NXPE2: variants seen among roughly 807,000 people sequenced by gnomAD.
The protein encoded by NXPE2 is neurexophilin and PC-esterase domain family member 2, also known as NXPE family member 2.
Under a neutral mutation model 34.4 loss-of-function variants are expected in NXPE2, and 34 were observed. That is an observed-to-expected ratio of 0.99 (90% CI 0.75 to 1.31). The LOEUF (loss-of-function observed/expected upper bound fraction) is 1.31. Among genes scored for constraint, NXPE2 ranks in the 40% most tolerant of loss-of-function variants. The pLI is 0.00. For missense variants in NXPE2, 649 were observed against 672.5 expected (o/e 0.97, Z 0.39); for synonymous variants, 235 against 231.3 (o/e 1.02, Z -0.15).
intron 2 of NXPE2, among the ~76,000 whole-genome samples, chr11:114,693,601 CT>C (rs1341705181): frequency 6.6e-6 from 1 of 152,146 alleles, no homozygotes; most frequent in Non-Finnish European, 1.5e-5. Flanking sequence ...AACTTGCAGC[CT>C]TAACCTAACG....
chr11:114,779,157 G>T, the NXPE2 span, among the ~76,000 whole-genome samples: 1 of 152,226 alleles, frequency 6.6e-6, no homozygotes, highest in Non-Finnish European at 1.5e-5. Context: ...ACACTTTGAA[G>T]TGTGGCTCTG....
chr11:114,651,754 T>C, the NXPE2 span, among the ~76,000 whole-genome samples: 1 of 152,186 alleles, frequency 6.6e-6, no homozygotes. Flanking sequence ...TGGTGTGTTT[T>C]TACAGAGTGC....
chr11:114,778,538 C>T, the NXPE2 span, among the ~76,000 whole-genome samples: 6 of 152,114 alleles, frequency 3.9e-5, no homozygotes, highest in East Asian at 1.2e-3. Context: ...TGAGAAGTGA[C>T]TCTGTATGGT....
chr11:114,630,721 T>C, the NXPE2 span, among the ~76,000 whole-genome samples: 1 of 151,104 alleles, frequency 6.6e-6, no homozygotes, highest in Non-Finnish European at 1.5e-5. Context: ...GAAACTACCA[T>C]CAGAGTGAAC....
chr11:114,616,626 C>T, the NXPE2 span, among the ~76,000 whole-genome samples: 1 of 140,132 alleles, frequency 7.1e-6, no homozygotes, highest in Non-Finnish European at 1.6e-5. Flanking sequence ...CCACAGTTAC[C>T]CACTGGATAA....
At chr11:114,537,042 G>A in the NXPE2 span, among the ~76,000 whole-genome samples, 105 of 152,260 alleles carry the variant, frequency 6.9e-4, 1 homozygote, top group Non-Finnish European at 1.4e-3. Flanking sequence ...TAAAATACTG[G>A]CAAACCGAAT....
chr11:114,522,411 G>GT, the NXPE2 span: 77 of 1,613,856 alleles, frequency 4.8e-5, no homozygotes, highest in African/African-American at 8.4e-4. Flanking sequence ...GGATAGCTAT[G>GT]TTTTTTCCAT....
the NXPE2 span, among the ~76,000 whole-genome samples, chr11:114,633,389 T>A: frequency 6.9e-6 from 1 of 145,078 alleles, no homozygotes; most frequent in Non-Finnish European, 1.5e-5. Context: ...TATTATATTA[T>A]ATATTATATA....
the NXPE2 span, among the ~76,000 whole-genome samples, chr11:114,755,682 GTCTGTCTATCTATCCA>G: frequency 3.5e-5 from 4 of 115,680 alleles, no homozygotes; most frequent in African/African-American, 1.6e-4. Context: ...CTATCTATCT[GTCTGTCTATCTATCCA>G]TCTATCTATC....
At chr11:114,804,371 T>C in the NXPE2 span, among the ~76,000 whole-genome samples, 1 of 152,238 alleles carries the variant, frequency 6.6e-6, no homozygotes, top group African/African-American at 2.4e-5. Flanking sequence ...CTAGATTCTA[T>C]GGTCTGCAGT....
the NXPE2 span, among the ~76,000 whole-genome samples, chr11:114,608,935 T>TG: frequency 6.6e-6 from 1 of 151,738 alleles, no homozygotes; most frequent in African/African-American, 2.4e-5. Flanking sequence ...TACTGCCTCG[T>TG]GGGTAACCAC....
chr11:114,713,298 T>G, the NXPE2 span, among the ~76,000 whole-genome samples: 14 of 152,224 alleles, frequency 9.2e-5, no homozygotes, highest in Admixed American at 7.9e-4. Context: ...GAGGATAATG[T>G]TGTTTTGTTA....
the NXPE2 span, among the ~76,000 whole-genome samples, chr11:114,520,586 A>G: frequency 5.7e-3 from 868 of 152,300 alleles, 3 homozygotes; most frequent in Non-Finnish European, 7.7e-3. Context: ...GAGAATGCAG[A>G]TATCTCTATG....
At chr11:114,630,910 A>G in the NXPE2 span, among the ~76,000 whole-genome samples, 1 of 151,798 alleles carries the variant, frequency 6.6e-6, no homozygotes, top group South Asian at 2.1e-4. Context: ...GCAGCCAAAA[A>G]ACACATGAAA....
At chr11:114,503,206 C>T in the NXPE2 span, among the ~76,000 whole-genome samples, 1 of 151,924 alleles carries the variant, frequency 6.6e-6, no homozygotes, top group East Asian at 1.9e-4. Flanking sequence ...AGTGAGATTG[C>T]CCTATTAATC....
chr11:114,545,076 GAGAATGT>G, the NXPE2 span, among the ~76,000 whole-genome samples: 1 of 152,168 alleles, frequency 6.6e-6, no homozygotes, highest in Non-Finnish European at 1.5e-5. Context: ...AGTTGCTGGT[GAGAATGT>G]AGAGCAGTAG....
intron 4 of NXPE2, among the ~76,000 whole-genome samples, chr11:114,704,613 G>T (rs527844224): frequency 4.6e-5 from 7 of 152,254 alleles, no homozygotes; most frequent in African/African-American, 1.7e-4. Context: ...GTAAAGCAAA[G>T]GACTTCCATT....
chr11:114,617,147 G>C, the NXPE2 span, among the ~76,000 whole-genome samples: 2 of 151,604 alleles, frequency 1.3e-5, no homozygotes, highest in African/African-American at 4.8e-5. Flanking sequence ...AATAAGTGAC[G>C]TTTTGTGGGT....
the NXPE2 span, chr11:114,580,362 G>A: frequency 1.2e-5 from 19 of 1,602,128 alleles, no homozygotes; most frequent in South Asian, 1.4e-4. Flanking sequence ...AATGAGATAG[G>A]ATCTTCCAAA....
Sources: gnomAD v4.1 joint callset for allele counts (sites outside exome capture counted in the v4.1 genomes callset) on GRCh38, gnomAD v4.1.1 for gene constraint, MANE v1.5 for transcripts, NCBI Gene and HGNC (gene_info 2026-07-23, HGNC 2026-07-21) for gene names.